ZNF33A: variants seen among roughly 807,000 people sequenced by gnomAD.
ZNF33A encodes zinc finger protein 33A, also known as brain my041 protein.
In ZNF33A, 9 loss-of-function variants were observed where a neutral mutation model predicts 15.9. That is an observed-to-expected ratio of 0.57 (90% CI 0.34 to 0.99). The LOEUF (loss-of-function observed/expected upper bound fraction) is 0.99. Ranked by LOEUF, ZNF33A falls within the 50% of genes least tolerant of loss-of-function variation. ZNF33A has a pLI of 0.02. For missense variants in ZNF33A, 843 were observed against 941.6 expected (o/e 0.90, Z 1.37); for synonymous variants, 294 against 324.2 (o/e 0.91, Z 1.00).
At chr10:38,047,499 C>T (rs1171340259) in intron 4 of ZNF33A, among the ~76,000 whole-genome samples, 5 of 150,922 alleles carry the variant, frequency 3.3e-5, no homozygotes, top group East Asian at 2.0e-4. Context: ...TGGTGGCAGG[C>T]GCCTGTAGTC....
chr10:38,036,325 T>C (rs2065452844), intron 4 of ZNF33A, among the ~76,000 whole-genome samples: 1 of 151,810 alleles, frequency 6.6e-6, no homozygotes, highest in Non-Finnish European at 1.5e-5. Flanking sequence ...TAATCCCAGC[T>C]CCTCTGAAGG....
rs535420706 is a variant in ZNF33A, at chr10:38,016,838, T to G, written c.10-33T>G. 2.4e-4 allele frequency: 387 copies of G among 1,609,630 alleles called. 2 individuals are homozygous for G. In the African/African-American group the frequency reaches 4.6e-3, roughly 19 times the overall value. ...CATGGTAAGGATTAGCCCATACTTC[T>G]TTTTTCATGCCACCTAATTCTGAAT... On this transcript the variant is annotated intron_variant, in intron 2 of 4. Transcript: ENST00000432900.
intron 4 of ZNF33A, among the ~76,000 whole-genome samples, chr10:38,021,260 A>G (rs2064725830): frequency 6.6e-6 from 1 of 152,246 alleles, no homozygotes; most frequent in African/African-American, 2.4e-5. Flanking sequence ...ATATAATGAT[A>G]AAAGGATCAA....
chr10:38,056,577 C>T lies in ZNF33A; in HGVS notation c.*17C>T. On this transcript the variant is annotated 3_prime_UTR_variant, in exon 5 of 5. Transcript: ENST00000432900. ...GTTCAGTAACTATCCACAAACTCACCTTATGTTACTCCAAAGTAATAGTAG... is the reference window on the plus strand; with the variant it reads ...GTTCAGTAACTATCCACAAACTCACTTTATGTTACTCCAAAGTAATAGTAG... 4 of 1,538,962 alleles carry T rather than the reference C, an allele frequency of 2.6e-6. No individual in the cohort carries two copies. Among genetic ancestry groups the T allele is most frequent in the South Asian group, 1.3e-5 (1 of 76,488 alleles).
chr10:38,031,108 A>G (rs951663209), intron 4 of ZNF33A, among the ~76,000 whole-genome samples: 5 of 152,238 alleles, frequency 3.3e-5, no homozygotes, highest in African/African-American at 1.2e-4. Flanking sequence ...AATATACACA[A>G]CTAATGCATG....
rs558286901 is a variant in ZNF33A at position 38,054,985 on chromosome 10, G to T, written c.861G>T (p.Lys287Asn). 1,001 of 1,614,118 alleles carry T rather than the reference G, an allele frequency of 6.2e-4. 22 individuals are homozygous for T. The South Asian group carries it at 0.011, about 17-fold the overall frequency. ...ATTGTGAGAAGTTCTTATGTGTGAAGTCCACCCTTTCTAAACCTCATGGGG... is the reference window on the plus strand; with the variant it reads ...ATTGTGAGAAGTTCTTATGTGTGAATTCCACCCTTTCTAAACCTCATGGGG... ...FSDCEKFLCV[K>N]STLSKPHGVS... Residue 287 changes from lysine to asparagine, a missense_variant, in exon 5 of 5, where the codon AAG becomes AAT. Lys to Asn is a moderately conservative substitution (Grantham distance 94). Coordinates refer to ENST00000432900, the MANE Select transcript of ZNF33A (RefSeq NM_006954.2).
At chr10:38,042,252 T>A (rs1418671282) in intron 4 of ZNF33A, among the ~76,000 whole-genome samples, 1 of 151,884 alleles carries the variant, frequency 6.6e-6, no homozygotes, top group Non-Finnish European at 1.5e-5. Flanking sequence ...TGGCACCATC[T>A]GGGCTCACTG....
intron 4 of ZNF33A, among the ~76,000 whole-genome samples, chr10:38,023,461 C>T (rs970025580): frequency 6.6e-6 from 1 of 152,146 alleles, no homozygotes; most frequent in African/African-American, 2.4e-5. Flanking sequence ...GCTGGTTCAA[C>T]ATTCAGAAAT....
downstream of ZNF33A, among the ~76,000 whole-genome samples, chr10:38,062,234 G>C (rs531814325): frequency 6.6e-6 from 1 of 152,180 alleles, no homozygotes; most frequent in South Asian, 2.1e-4. Context: ...CACCTTTCTG[G>C]CTCTTTCATC....
chr10:38,029,226 G>T (rs1021717491), intron 4 of ZNF33A, among the ~76,000 whole-genome samples: 15 of 152,096 alleles, frequency 9.9e-5, no homozygotes, highest in African/African-American at 3.4e-4. Context: ...AGTGCTTCCT[G>T]TATAGCAGGC....
chr10:38,044,212 T>C lies in ZNF33A; in HGVS notation c.251-10163T>C, dbSNP rs564091897. 5.7e-4 allele frequency among the ~76,000 whole-genome samples: 85 copies of C among 150,150 alleles called. 2 individuals are homozygous for C. Among genetic ancestry groups the C allele is most frequent in the African/African-American group, 1.9e-3 (79 of 41,216 alleles). ...AACCTTTCTTTTCTTTTCTTTCTTT[T>C]TTTTTTTTTTTTGAGATGGAGTTTC... is the stretch of plus-strand genomic sequence containing the variant. On this transcript the variant is annotated intron_variant, in intron 4 of 4. Coordinates refer to ENST00000432900, the MANE Select transcript of ZNF33A (RefSeq NM_006954.2).
chr10:38,035,828 GA>G (rs2065427956), intron 4 of ZNF33A, among the ~76,000 whole-genome samples: 1 of 151,702 alleles, frequency 6.6e-6, no homozygotes, highest in Non-Finnish European at 1.5e-5. Flanking sequence ...TTTCATAAAA[GA>G]AAAGAAAAGA....
intron 4 of ZNF33A, among the ~76,000 whole-genome samples, chr10:38,027,258 T>C (rs1302515650): frequency 2.0e-5 from 3 of 152,182 alleles, no homozygotes; most frequent in African/African-American, 7.2e-5. Flanking sequence ...CCTCTTAATA[T>C]ACCATTAAAT....
downstream of ZNF33A, among the ~76,000 whole-genome samples, chr10:38,066,764 A>G (rs553472264): frequency 6.6e-6 from 1 of 152,028 alleles, no homozygotes; most frequent in Admixed American, 6.5e-5. Flanking sequence ...GCAAAACCCC[A>G]TCTCTACTAA....
At chr10:38,026,128 A>G (rs1282836459) in intron 4 of ZNF33A, among the ~76,000 whole-genome samples, 1 of 152,174 alleles carries the variant, frequency 6.6e-6, no homozygotes, top group Non-Finnish European at 1.5e-5. Flanking sequence ...TGTTTAATCC[A>G]TTCATCTGTT....
chr10:38,056,670 T>A lies in ZNF33A; in HGVS notation c.*110T>A. The A allele has an allele frequency of 7.1e-7, 1 of 1,417,890 alleles. No homozygotes were observed. The highest frequency in any genetic ancestry group is 1.8e-5 in the South Asian group (1 of 54,296). The allele number at this position is 1,417,890 out of a possible 1,614,324, so 87.8% of individuals were successfully genotyped here. A position where few individuals can be genotyped will look rare whatever the true frequency, so the allele number is the denominator to read the frequency against. On this transcript the variant is annotated 3_prime_UTR_variant, in exon 5 of 5. Coordinates refer to ENST00000432900, the MANE Select transcript of ZNF33A (RefSeq NM_006954.2). ...TTAGGAAGTGATATTCTATGTAATA[T>A]CAGATGGTTAATACGGGCATAACAC...
rs997258915 is a variant in ZNF33A at position 38,055,971 on chromosome 10, A to G, written c.1847A>G (p.Lys616Arg). ...EKPYECNECGKAFYQKSQLTQ... is the reference protein window; with the variant it reads ...EKPYECNECGRAFYQKSQLTQ... ...CCCTATGAATGTAATGAATGTGGAA[A>G]AGCCTTCTACCAGAAGTCACAACTC... The change falls in exon 5 of 5, where the codon AAA becomes AGA. Residue 616 changes from lysine to arginine, a missense_variant. Lys to Arg is a conservative substitution (Grantham distance 26). Transcript: ENST00000432900. 1.2e-6 allele frequency: 2 copies of G among 1,613,914 alleles called. No homozygotes were observed. Among genetic ancestry groups the G allele is most frequent in the African/African-American group, 2.7e-5 (2 of 74,908 alleles).
chr10:38,064,675 C>T (rs2066692497), downstream of ZNF33A: 1 of 152,382 alleles, frequency 6.6e-6, no homozygotes, highest in Non-Finnish European at 1.5e-5. Flanking sequence ...TCCTTCACCT[C>T]TTCCCCACCC....
intron 1 of ZNF33A, 43 bp downstream of exon 1, chr10:38,010,826 C>T (rs773903723): frequency 5.0e-6 from 8 of 1,595,368 alleles, no homozygotes; most frequent in Middle Eastern, 1.6e-4. Flanking sequence ...GGGAGCCCCG[C>T]GCGACTCCTG....
Sources: gnomAD v4.1 joint callset for allele counts (sites outside exome capture counted in the v4.1 genomes callset) on GRCh38, gnomAD v4.1.1 for gene constraint, MANE v1.5 for transcripts, NCBI Gene and HGNC (gene_info 2026-07-23, HGNC 2026-07-21) for gene names.